Variants in TMPRSS15 observed in about 807,000 individuals in gnomAD.
TMPRSS15 encodes the protein enteropeptidase.
In TMPRSS15, 128 loss-of-function variants were observed where a neutral mutation model predicts 125.3. The observed-to-expected ratio is 1.02, with a 90% CI of 0.89 to 1.18. TMPRSS15 has a LOEUF of 1.18. Among genes scored for constraint, TMPRSS15 ranks in the 50% most tolerant of loss-of-function variants. The pLI, the probability that TMPRSS15 is intolerant of heterozygous loss-of-function variation, is 0.00. For synonymous variants in TMPRSS15, 446 were observed against 423.2 expected, an observed-to-expected ratio of 1.05 and a Z score of -0.66; for missense variants, 1,283 against 1,212.7, an observed-to-expected ratio of 1.06 and a Z score of -0.86.
intron 1 of TMPRSS15, among the ~76,000 whole-genome samples, chr21:18,469,413 G>A (rs1418782703): frequency 2.0e-5 from 3 of 151,944 alleles, no homozygotes; most frequent in East Asian, 3.9e-4. Context: ...TGTCACAAAA[G>A]AATTACCTAA....
At chr21:18,316,500 T>C (rs1231435911) in intron 16 of TMPRSS15, among the ~76,000 whole-genome samples, 2 of 148,422 alleles carry the variant, frequency 1.3e-5, no homozygotes, top group Admixed American at 6.7e-5. Context: ...AAAGGGTAGT[T>C]ACAAAGAAAT....
chr21:18,479,488 C>T (rs1261074228), intron 1 of TMPRSS15, among the ~76,000 whole-genome samples: 2 of 151,920 alleles, frequency 1.3e-5, no homozygotes, highest in East Asian at 3.9e-4. Context: ...TGGCAATTTT[C>T]TTTCATAGTC....
chr21:18,343,882 G>A, intron 11 of TMPRSS15, 73 bp downstream of exon 11: 3 of 1,390,670 alleles, frequency 2.2e-6, no homozygotes, highest in Non-Finnish European at 3.1e-6. Context: ...AGTGAAATAT[G>A]AGCCTGGTGG....
At chr21:18,452,282 G>A (rs1359938503) in intron 1 of TMPRSS15, among the ~76,000 whole-genome samples, 1 of 151,980 alleles carries the variant, frequency 6.6e-6, no homozygotes, top group Non-Finnish European at 1.5e-5. Flanking sequence ...AAGGTTTAAG[G>A]AATAAAAACA....
intron 1 of TMPRSS15, among the ~76,000 whole-genome samples, chr21:18,468,996 G>A (rs1043461834): frequency 2.6e-5 from 4 of 152,128 alleles, no homozygotes; most frequent in Non-Finnish European, 5.9e-5. Flanking sequence ...AATAAAATTT[G>A]CATGTATATA....
intron 8 of TMPRSS15, among the ~76,000 whole-genome samples, chr21:18,354,176 C>T (rs1601380736): frequency 6.6e-6 from 1 of 151,914 alleles, no homozygotes; most frequent in East Asian, 1.9e-4. Flanking sequence ...TGGCAAAGTT[C>T]ATCTAAGAAA....
At chr21:18,389,332 T>C (rs1169743812) in intron 3 of TMPRSS15, among the ~76,000 whole-genome samples, 1 of 152,088 alleles carries the variant, frequency 6.6e-6, no homozygotes, top group African/African-American at 2.4e-5. Flanking sequence ...TGTGTCTGTA[T>C]TTGATAAGAT....
chr21:18,412,231 TGAAA>T (rs1177165796), intron 1 of TMPRSS15, among the ~76,000 whole-genome samples: 3 of 152,192 alleles, frequency 2.0e-5, no homozygotes, highest in Non-Finnish European at 4.4e-5. Context: ...TATTTGATAT[TGAAA>T]GAGAGTGAGC....
chr21:18,417,472 ATAGT>A (rs956786961), intron 1 of TMPRSS15, among the ~76,000 whole-genome samples: 1 of 152,192 alleles, frequency 6.6e-6, no homozygotes, highest in Non-Finnish European at 1.5e-5. Flanking sequence ...TGCAATTAAA[ATAGT>A]TAATGCAATT....
At chr21:18,437,385 T>G (rs1601462493) in intron 1 of TMPRSS15, among the ~76,000 whole-genome samples, 3 of 152,180 alleles carry the variant, frequency 2.0e-5, no homozygotes, top group South Asian at 4.2e-4. Context: ...GAAGAAAACC[T>G]AGGCATTACC....
chr21:18,276,357 T>G (rs1385353519), intron 23 of TMPRSS15, among the ~76,000 whole-genome samples: 1 of 152,200 alleles, frequency 6.6e-6, no homozygotes, highest in Non-Finnish European at 1.5e-5. Context: ...CAATGATCAA[T>G]TTCAAGGTAC....
chr21:18,344,811 G>T (rs1246087827), intron 10 of TMPRSS15, among the ~76,000 whole-genome samples: 1 of 152,148 alleles, frequency 6.6e-6, no homozygotes, highest in Non-Finnish European at 1.5e-5. Context: ...CACATATTAT[G>T]ACAGGAAGCG....
At chr21:18,440,675 A>T (rs1282998548) in intron 1 of TMPRSS15, among the ~76,000 whole-genome samples, 1 of 152,080 alleles carries the variant, frequency 6.6e-6, no homozygotes, top group East Asian at 1.9e-4. Context: ...ATATTCATTG[A>T]TTTTGTGTAC....
At chr21:18,389,243 A>G (rs1269865123) in intron 3 of TMPRSS15, among the ~76,000 whole-genome samples, 1 of 151,776 alleles carries the variant, frequency 6.6e-6, no homozygotes, top group Non-Finnish European at 1.5e-5. Context: ...GCAGGGAGGG[A>G]AGGAAGAAGT....
intron 1 of TMPRSS15, among the ~76,000 whole-genome samples, chr21:18,456,657 T>C (rs1569072541): frequency 6.6e-6 from 1 of 152,104 alleles, no homozygotes; most frequent in African/African-American, 2.4e-5. Context: ...GTTAGAATTG[T>C]TAATTAGAGC....
chr21:18,313,124 G>A lies in TMPRSS15; in HGVS notation c.2033-47C>T, dbSNP rs768905318. 6 of 1,348,996 alleles carry A rather than the reference G, an allele frequency of 4.4e-6. No individual in the cohort carries two copies. The South Asian group carries it at 5.8e-5, about 13-fold the overall frequency. 83.6% of individuals were successfully genotyped at this position (1,348,996 alleles called of 1,614,324 possible). A position where few individuals can be genotyped will look rare whatever the true frequency, so the allele number is the denominator to read the frequency against. On this transcript the variant is annotated intron_variant, in intron 17 of 24. Coordinates refer to ENST00000284885, the MANE Select transcript of TMPRSS15 (RefSeq NM_002772.3). ...TGGTAGTTACCAGAGACTGAAGGGT[G>A]CGGAGTATGGGAAGACATCGTTCAA...
At chr21:18,403,055 A>G (rs942255396) in intron 1 of TMPRSS15, among the ~76,000 whole-genome samples, 2 of 152,162 alleles carry the variant, frequency 1.3e-5, no homozygotes, top group Admixed American at 1.3e-4. Flanking sequence ...AATAAACAAT[A>G]TTTTCTGTTA....
At position 18,315,133 on chromosome 21, in the gene TMPRSS15, A is replaced by G; in HGVS notation, c.2032+13T>C. 1.2e-6 allele frequency: 2 copies of G among 1,604,084 alleles called. No homozygotes were observed. Among genetic ancestry groups the G allele is most frequent in the Non-Finnish European group, 1.7e-6 (2 of 1,172,182 alleles). On this transcript the variant is annotated intron_variant, in intron 17 of 24. Coordinates refer to ENST00000284885, the MANE Select transcript of TMPRSS15 (RefSeq NM_002772.3). The stretch of plus-strand genomic sequence containing the variant: ...TAAAGTCATAAAAGTATTTTCCTAA[A>G]AATAAGACATACCACAATCTGCTTC...
intron 3 of TMPRSS15, among the ~76,000 whole-genome samples, chr21:18,391,305 G>A (rs1171443645): frequency 6.6e-6 from 1 of 152,164 alleles, no homozygotes; most frequent in African/African-American, 2.4e-5. Context: ...CTGCCTATGA[G>A]TATGTAAAAT....
Sources: allele counts gnomAD v4.1 joint callset (sites outside exome capture counted in the v4.1 genomes callset), GRCh38; gene constraint gnomAD v4.1.1; transcripts MANE v1.5; gene names NCBI Gene and HGNC (gene_info 2026-07-23, HGNC 2026-07-21).